The following DPP10 variants were observed in gnomAD, a reference collection of about 807,000 sequenced individuals.
DPP10 encodes the protein dipeptidyl peptidase like 10.
In DPP10, 33 loss-of-function variants were observed where a neutral mutation model predicts 120.9. The observed-to-expected ratio is 0.27, with a 90% CI of 0.21 to 0.37. DPP10 has a LOEUF of 0.37. DPP10 is among the 10% of genes least tolerant of loss of function. DPP10 has a pLI of 1.00. For missense variants in DPP10, 816 were observed against 942.8 expected (o/e 0.87, Z 1.76); for synonymous variants, 337 against 326.1 (o/e 1.03, Z -0.36).
chr2:115,027,092 A>G (rs1703516538), intron 1 of DPP10, among the ~76,000 whole-genome samples: 1 of 152,008 alleles, frequency 6.6e-6, no homozygotes, highest in African/African-American at 2.4e-5. Context: ...AGATATTGTA[A>G]ACGGGATTGC....
At chr2:114,692,232 T>C (rs908482425) in intron 1 of DPP10, among the ~76,000 whole-genome samples, 2 of 152,102 alleles carry the variant, frequency 1.3e-5, no homozygotes, top group African/African-American at 4.8e-5. Context: ...TGCTATTAAG[T>C]TCCCTCTTAA....
chr2:114,978,388 C>T (rs1699881513), intron 1 of DPP10, among the ~76,000 whole-genome samples: 1 of 152,186 alleles, frequency 6.6e-6, no homozygotes, highest in Non-Finnish European at 1.5e-5. Context: ...GGGTACCACA[C>T]TTTGAAAAGC....
chr2:115,270,078 ACAC>A (rs2059626498), intron 1 of DPP10, among the ~76,000 whole-genome samples: 1 of 133,146 alleles, frequency 7.5e-6, no homozygotes, highest in Non-Finnish European at 1.6e-5. Context: ...ACACACACAC[ACAC>A]ACACACACAC....
chr2:115,448,551 G>A (rs542718328), intron 3 of DPP10, among the ~76,000 whole-genome samples: 2 of 152,222 alleles, frequency 1.3e-5, no homozygotes, highest in South Asian at 2.1e-4. Context: ...TCCAATGTTT[G>A]TAAAACTTGC....
chr2:115,469,392 A>G (rs528762026), intron 3 of DPP10, among the ~76,000 whole-genome samples: 91 of 152,284 alleles, frequency 6.0e-4, no homozygotes, highest in African/African-American at 2.1e-3. Context: ...GTGAAACCAC[A>G]TGACAAATTT....
intron 5 of DPP10, among the ~76,000 whole-genome samples, chr2:115,666,590 A>G (rs938035716): frequency 1.8e-4 from 27 of 152,136 alleles, no homozygotes; most frequent in African/African-American, 6.3e-4. Context: ...ACATAATCTC[A>G]TTCTATTTTA....
chr2:115,828,395 ACTAT>A (rs1281036147), intron 21 of DPP10, among the ~76,000 whole-genome samples: 3 of 152,030 alleles, frequency 2.0e-5, no homozygotes, highest in Non-Finnish European at 4.4e-5. Context: ...GAATTTCTTG[ACTAT>A]CTAGGTTAAG....
intron 1 of DPP10, among the ~76,000 whole-genome samples, chr2:115,300,783 A>C (rs1009152474): frequency 6.6e-6 from 1 of 151,958 alleles, no homozygotes; most frequent in African/African-American, 2.4e-5. Context: ...GAGTGTATTT[A>C]AGGCAGTTGT....
At position 115,844,055 on chromosome 2, in the gene DPP10, C is replaced by T. The variant is rs272008; in HGVS notation, c.*1710C>T. Reference sequence around the variant, plus strand: ...TTGGAATCGTGTCTTCCATGCTCCACTGGGTTCAATTTAAAATAGGAGAGG... The same window carrying T: ...TTGGAATCGTGTCTTCCATGCTCCATTGGGTTCAATTTAAAATAGGAGAGG... On this transcript the variant is annotated 3_prime_UTR_variant, in exon 26 of 26. Transcript: ENST00000410059. 60,452 of 152,436 alleles carry T rather than the reference C, an allele frequency of 0.4. 13,764 individuals carry two copies. Among genetic ancestry groups the T allele is most frequent in the Admixed American group, 0.51 (7,833 of 15,262 alleles). The allele number at this position is 152,436 out of a possible 1,614,324, so 9.4% of individuals were successfully genotyped here.
chr2:115,706,007 A>G (rs1328427173), intron 7 of DPP10, among the ~76,000 whole-genome samples: 1 of 151,848 alleles, frequency 6.6e-6, no homozygotes, highest in Non-Finnish European at 1.5e-5. Flanking sequence ...AAAAACAGGA[A>G]ACAAAACCTC....
chr2:114,746,066 C>A (rs1308366478), intron 1 of DPP10, among the ~76,000 whole-genome samples: 1 of 152,226 alleles, frequency 6.6e-6, no homozygotes, highest in Non-Finnish European at 1.5e-5. Flanking sequence ...CCATTTCCCA[C>A]TGCACTTTCA....
At chr2:115,499,054 T>C (rs1347210595) in intron 3 of DPP10, among the ~76,000 whole-genome samples, 6 of 151,972 alleles carry the variant, frequency 3.9e-5, no homozygotes, top group African/African-American at 1.4e-4. Flanking sequence ...GGTAGAAGAA[T>C]TGGATCCATA....
rs1233589872 is a variant in DPP10, at chr2:115,769,014, G to T, written c.1221+610G>T. ...TTTTATCTAATCAAAAGAATATGAA[G>T]GGTTTATACAGTTTTATTATAAAAA... On this transcript the variant is annotated intron_variant, in intron 13 of 25. Transcript: ENST00000410059. 2.0e-5 allele frequency among the ~76,000 whole-genome samples: 3 copies of T among 151,524 alleles called. No homozygotes were observed. In the East Asian group the frequency reaches 5.8e-4, roughly 29 times the overall value.
intron 1 of DPP10, among the ~76,000 whole-genome samples, chr2:115,010,735 A>G (rs1478808330): frequency 6.6e-6 from 1 of 152,156 alleles, no homozygotes; most frequent in Non-Finnish European, 1.5e-5. Context: ...CAAAATGTCT[A>G]TTAATATAGG....
chr2:115,072,472 T>A (rs1395194516), intron 1 of DPP10, among the ~76,000 whole-genome samples: 1 of 152,222 alleles, frequency 6.6e-6, no homozygotes, highest in South Asian at 2.1e-4. Flanking sequence ...TGTAGTACAT[T>A]CAACATCGTT....
chr2:115,677,306 A>G (rs1161189921), intron 5 of DPP10, among the ~76,000 whole-genome samples: 1 of 152,206 alleles, frequency 6.6e-6, no homozygotes, highest in Non-Finnish European at 1.5e-5. Context: ...ATCAAGTTAA[A>G]TCAATATAGA....
rs141051737 is a variant in DPP10 at position 115,759,866 on chromosome 2, C to T, written c.1075-2706C>T. Among the ~76,000 whole-genome samples, 1,052 of 151,994 alleles carry T rather than the reference C, an allele frequency of 6.9e-3. 13 individuals carry two copies. Among genetic ancestry groups the T allele is most frequent in the Non-Finnish European group, 0.012 (797 of 67,946 alleles). The stretch of plus-strand genomic sequence containing the variant: ...TCCCTACTAAAAATACAAAATTAAC[C>T]GGGCATGTTGGCGCATGCCTGTAAT... On this transcript the variant is annotated intron_variant, in intron 11 of 25. Coordinates refer to ENST00000410059, the MANE Select transcript of DPP10 (RefSeq NM_020868.6).
intron 1 of DPP10, among the ~76,000 whole-genome samples, chr2:114,719,991 G>A (rs533877246): frequency 2.0e-5 from 3 of 152,308 alleles, no homozygotes; most frequent in South Asian, 2.1e-4. Context: ...TTCTTCCTGC[G>A]ATTTGAGTTT....
chr2:115,833,839 G>A (rs1689174517), intron 21 of DPP10, among the ~76,000 whole-genome samples: 4 of 152,102 alleles, frequency 2.6e-5, no homozygotes, highest in Non-Finnish European at 5.9e-5. Context: ...TCCAAAAATC[G>A]GAAACTTCTG....
Sources: allele counts gnomAD v4.1 joint callset (sites outside exome capture counted in the v4.1 genomes callset), GRCh38; gene constraint gnomAD v4.1.1; transcripts MANE v1.5; gene names NCBI Gene and HGNC (gene_info 2026-07-23, HGNC 2026-07-21).